RARB: variants seen among roughly 807,000 people sequenced by gnomAD.
The protein encoded by RARB is retinoic acid receptor beta.
In RARB, 17 loss-of-function variants were observed where a neutral mutation model predicts 51.9. The observed-to-expected ratio is 0.33, with a 90% CI of 0.22 to 0.49. The LOEUF is 0.49. RARB is among the 20% of genes least tolerant of loss of function. The pLI is 0.99. For synonymous variants in RARB, 215 were observed against 195.4 expected (o/e 1.10, Z -0.84); for missense variants, 369 against 550.8 (o/e 0.67, Z 3.30).
At chr3:25,369,779 T>C (rs949003126) in intron 5 of RARB, among the ~76,000 whole-genome samples, 15 of 152,126 alleles carry the variant, frequency 9.9e-5, no homozygotes, top group Middle Eastern at 3.4e-3. Context: ...AACATTAGCC[T>C]GGCATGGTGG....
intron 2 of RARB, among the ~76,000 whole-genome samples, chr3:25,028,529 G>C (rs527847561): frequency 1.3e-5 from 2 of 152,092 alleles, no homozygotes; most frequent in Non-Finnish European, 2.9e-5. Context: ...ACTTCCATTT[G>C]GGACTAGGGA....
intron 5 of RARB, among the ~76,000 whole-genome samples, chr3:25,238,153 C>CT (rs1553647339): frequency 2.6e-5 from 4 of 151,904 alleles, no homozygotes; most frequent in Admixed American, 2.6e-4. Context: ...CTCCAGCGCC[C>CT]CCCCACACAT....
chr3:25,494,281 G>GCACACACACACACACC (rs1357425880), intron 2 of RARB, among the ~76,000 whole-genome samples: 1 of 51,608 alleles, frequency 1.9e-5, no homozygotes, highest in Non-Finnish European at 3.2e-5. Context: ...ACACACACAT[G>GCACACACACACACACC]CCATCATTTA....
chr3:25,220,518 G>GTT (rs1224426453), intron 5 of RARB, among the ~76,000 whole-genome samples: 2 of 152,136 alleles, frequency 1.3e-5, no homozygotes, highest in African/African-American at 4.8e-5. Context: ...TATCAAGGGA[G>GTT]AGACCACACG....
At chr3:25,449,673 A>G (rs1709103407) in intron 1 of RARB, among the ~76,000 whole-genome samples, 1 of 152,020 alleles carries the variant, frequency 6.6e-6, no homozygotes, top group East Asian at 1.9e-4. Flanking sequence ...TGAACAAGTT[A>G]CCTAACCACA....
chr3:24,840,476 G>A (rs1702406301), intron 1 of RARB, among the ~76,000 whole-genome samples: 2 of 152,146 alleles, frequency 1.3e-5, no homozygotes, highest in Non-Finnish European at 2.9e-5. Flanking sequence ...CGTAGTGACA[G>A]TTTTGGACTT....
At chr3:25,084,914 A>C (rs1444816250) in intron 3 of RARB, among the ~76,000 whole-genome samples, 3 of 152,136 alleles carry the variant, frequency 2.0e-5, no homozygotes, top group Admixed American at 2.0e-4. Flanking sequence ...TATTCCCTTA[A>C]TTATCGGCAG....
At chr3:25,193,854 ACACT>A (rs376948600) in intron 5 of RARB, among the ~76,000 whole-genome samples, 5 of 152,110 alleles carry the variant, frequency 3.3e-5, no homozygotes, top group African/African-American at 7.2e-5. Context: ...CACTATACTG[ACACT>A]CAGTTTCAAA....
rs10526610 is a variant in RARB, at chr3:24,832,628, A to AATATATATATATATAT, written c.-459+3233_-459+3248dup. ...CTGTATTTAGAAAAAATTGAGTCCC[A>AATATATATATATATAT]ATATATATATATATATATATATAAT... On this transcript the variant is annotated intron_variant, in intron 1 of 11. Coordinates refer to the RARB transcript ENST00000383772. Among the ~76,000 whole-genome samples the AATATATATATATATAT allele has an allele frequency of 5.9e-3, 518 of 88,338 alleles. 20 individuals carry two copies. Among genetic ancestry groups the AATATATATATATATAT allele is most frequent in the South Asian group, 0.014 (32 of 2,236 alleles). 58.0% of individuals were successfully genotyped at this position (88,338 alleles called of 152,430 possible).
intron 2 of RARB, among the ~76,000 whole-genome samples, chr3:24,907,408 G>C (rs1337080955): frequency 2.0e-5 from 3 of 152,182 alleles, no homozygotes; most frequent in Non-Finnish European, 2.9e-5. Flanking sequence ...TTAGTTACAA[G>C]ATGACTGAGA....
chr3:25,322,332 T>C (rs1704595790), intron 5 of RARB, among the ~76,000 whole-genome samples: 1 of 152,184 alleles, frequency 6.6e-6, no homozygotes, highest in African/African-American at 2.4e-5. Flanking sequence ...TGCAAAGTTC[T>C]AAAAGAAATA....
chr3:24,912,975 C>CTTTTTTTTTTTT lies in RARB; in HGVS notation c.-380+54234_-380+54245dup, dbSNP rs386396163. 3.6e-4 allele frequency among the ~76,000 whole-genome samples: 27 copies of CTTTTTTTTTTTT among 75,046 alleles called. 5 individuals carry two copies. Among genetic ancestry groups the CTTTTTTTTTTTT allele is most frequent in the Non-Finnish European group, 4.4e-4 (17 of 38,984 alleles). 49.2% of individuals were successfully genotyped at this position (75,046 alleles called of 152,430 possible). On this transcript the variant is annotated intron_variant, in intron 2 of 11. Transcript: ENST00000383772. ...GCAATACGCACACAAGGTACTGATT[C>CTTTTTTTTTTTT]TTTTTTTTTTTTTTTTTTTTTTGGA...
chr3:24,891,544 T>A (rs1359958481), intron 2 of RARB, among the ~76,000 whole-genome samples: 1 of 152,234 alleles, frequency 6.6e-6, no homozygotes, highest in Non-Finnish European at 1.5e-5. Context: ...TGTTACCTGT[T>A]GCTTACCCAC....
At chr3:25,368,291 T>C (rs955740502) in intron 5 of RARB, among the ~76,000 whole-genome samples, 7 of 152,174 alleles carry the variant, frequency 4.6e-5, no homozygotes, top group African/African-American at 1.7e-4. Context: ...GACTAGGCAA[T>C]TGATATTTTT....
At chr3:25,570,068 A>C in intron 4 of RARB, 150 bp downstream of exon 4, 1 of 1,164,372 alleles carries the variant, frequency 8.6e-7, no homozygotes, top group South Asian at 1.6e-5. Flanking sequence ...AGCTGGGGCT[A>C]TGTAGTAGCC....
chr3:25,538,831 G>A (rs1699248147), intron 3 of RARB, among the ~76,000 whole-genome samples: 1 of 152,132 alleles, frequency 6.6e-6, no homozygotes, highest in African/African-American at 2.4e-5. Context: ...AAGGAGATAG[G>A]GATTGCATTT....
intron 5 of RARB, among the ~76,000 whole-genome samples, chr3:25,585,182 A>G (rs1701337327): frequency 6.6e-6 from 1 of 152,200 alleles, no homozygotes; most frequent in Non-Finnish European, 1.5e-5. Context: ...GGCTCTAGAA[A>G]GCATGAAATG....
chr3:25,536,118 A>G (rs754821724), intron 3 of RARB, among the ~76,000 whole-genome samples: 4 of 152,208 alleles, frequency 2.6e-5, no homozygotes, highest in Non-Finnish European at 5.9e-5. Context: ...ACCTGCTATT[A>G]ATATCTCACC....
chr3:25,298,501 A>G (rs1053948269), intron 5 of RARB, among the ~76,000 whole-genome samples: 1 of 152,188 alleles, frequency 6.6e-6, no homozygotes, highest in Non-Finnish European at 1.5e-5. Context: ...CTGTGCCGAC[A>G]TTCCTTTAAT....
Sources: allele counts gnomAD v4.1 joint callset (sites outside exome capture counted in the v4.1 genomes callset), GRCh38; gene constraint gnomAD v4.1.1; transcripts MANE v1.5; gene names NCBI Gene and HGNC (gene_info 2026-07-23, HGNC 2026-07-21).